The following NDRG1 variants were observed in gnomAD, a reference collection of about 807,000 sequenced individuals.
NDRG1 encodes protein NDRG1.
In NDRG1, 32 loss-of-function variants were observed where a neutral mutation model predicts 56.9. The ratio of observed to expected loss-of-function variants is 0.56; its 90% CI spans 0.42 to 0.76. The LOEUF is 0.76. Ranked by LOEUF, NDRG1 falls within the 30% of genes least tolerant of loss-of-function variation. NDRG1 has a pLI of 0.00. For synonymous variants in NDRG1, 211 were observed against 204.1 expected (o/e 1.03, Z -0.29); for missense variants, 507 against 545.7 (o/e 0.93, Z 0.71).
At chr8:133,246,562 G>A (rs924645037) in intron 13 of NDRG1, 54 bp downstream of exon 13, 15 of 1,567,172 alleles carry the variant, frequency 9.6e-6, no homozygotes, top group South Asian at 7.8e-5. Context: ...TGCAGAAAAC[G>A]TCTGAGAGTT....
intron 1 of NDRG1, among the ~76,000 whole-genome samples, chr8:133,295,988 C>T (rs894038660): frequency 2.0e-5 from 3 of 152,150 alleles, no homozygotes; most frequent in Non-Finnish European, 4.4e-5. Context: ...GTTCAGGACC[C>T]CCAGGGACAG....
At chr8:133,242,185 A>C in intron 14 of NDRG1, 111 bp from the exon 15 acceptor site, 1 of 1,094,262 alleles carries the variant, frequency 9.1e-7, no homozygotes, top group East Asian at 2.4e-5. Context: ...GGCTCAAGAC[A>C]AAAGCCATCA....
In NDRG1 at chr8:133,250,504, G is replaced by A. The variant is rs138285479; in HGVS notation, c.634C>T (p.Arg212Cys). Reference protein sequence around the residue: ...QSNVEVVHTYRQHIVNDMNPG... With the variant: ...QSNVEVVHTYCQHIVNDMNPG... Reference sequence around the variant, plus strand: ...TTCATGTCATTCACAATGTGCTGGCGGTAGGTGTGGACCACTTCCACGTTA... The same window carrying A: ...TTCATGTCATTCACAATGTGCTGGCAGTAGGTGTGGACCACTTCCACGTTA... The change falls in exon 10 of 16, where the codon CGC becomes TGC. Residue 212 changes from arginine (R) to cysteine (C), a missense_variant. Arg to Cys is a radical substitution (Grantham distance 180). Coordinates refer to ENST00000323851, the MANE Select transcript of NDRG1 (RefSeq NM_006096.4). 6.1e-5 allele frequency: 99 copies of A among 1,614,038 alleles called. No individual in the cohort carries two copies. In the East Asian group the frequency reaches 2.0e-3, roughly 33 times the overall value.
Position 133,241,684 on chromosome 8 carries a change from T to G in NDRG1, c.943+339A>C, listed in dbSNP as rs139259957. On this transcript the variant is annotated intron_variant, in intron 15 of 15. Transcript: ENST00000323851. ...TCTTCATCATCACTGTAGCTAGTGG[T>G]CTCTTAAAACTTGTGATCAAAATTT... Among the ~76,000 whole-genome samples the G allele has an allele frequency of 4.6e-3, 699 of 152,318 alleles. 6 individuals are homozygous for G. The highest frequency in any genetic ancestry group is 0.016 in the African/African-American group (661 of 41,574).
In NDRG1 at chr8:133,264,532, C is replaced by G; in HGVS notation, c.205+15G>C. ...GGAACCGGCTGACAGGGAATCAGAGCTCCTCAGAACTTACGGTTCATGCCG... is the reference window on the plus strand; with the variant it reads ...GGAACCGGCTGACAGGGAATCAGAGGTCCTCAGAACTTACGGTTCATGCCG... On this transcript the variant is annotated intron_variant, in intron 4 of 15. Coordinates refer to ENST00000323851, the MANE Select transcript of NDRG1 (RefSeq NM_006096.4). 6.2e-7 allele frequency: 1 copy of G among 1,612,026 alleles called. No homozygotes were observed. The highest frequency in any genetic ancestry group is 8.5e-7 in the Non-Finnish European group (1 of 1,178,054).
intron 9 of NDRG1, 101 bp from the exon 10 acceptor site, chr8:133,250,644 T>C (rs1586422229): frequency 2.0e-6 from 2 of 990,512 alleles, no homozygotes; most frequent in East Asian, 5.0e-5. Context: ...AAAGTAAAGA[T>C]AATAATGCCT....
intron 8 of NDRG1, 77 bp downstream of exon 8, chr8:133,256,700 A>AT: frequency 1.4e-6 from 2 of 1,394,672 alleles, no homozygotes; most frequent in Non-Finnish European, 2.0e-6. Flanking sequence ...AGCTCCAGGG[A>AT]TCCCCCAGGC....
chr8:133,255,323 C>T (rs986029327), intron 8 of NDRG1: 2 of 456,144 alleles, frequency 4.4e-6, no homozygotes, highest in African/African-American at 2.0e-5. Context: ...ACTTCAAGGC[C>T]ACAAGGTCAA....
chr8:133,271,463 G>A (rs1017965594), intron 3 of NDRG1, among the ~76,000 whole-genome samples: 2 of 152,142 alleles, frequency 1.3e-5, no homozygotes, highest in Middle Eastern at 3.4e-3. Context: ...CTGGTTCATC[G>A]CCTATGCCCA....
rs149665115 is a variant in NDRG1, at chr8:133,258,694, G to A, written c.390-268C>T. On this transcript the variant is annotated intron_variant, in intron 6 of 15. Transcript: ENST00000323851. ...TGACATTTACGGGAAGGCCCGTTAC[G>A]GCATCATTTCTTCCCACTCTTAAGC... Among the ~76,000 whole-genome samples the A allele has an allele frequency of 3.1e-4, 47 of 152,332 alleles. No individual in the cohort carries two copies. In the East Asian group the frequency reaches 6.9e-3, roughly 22 times the overall value.
chr8:133,256,274 C>T (rs1315457322), intron 8 of NDRG1: 1 of 162,510 alleles, frequency 6.2e-6, no homozygotes. Flanking sequence ...GAAACTAGCA[C>T]ATGGTAAACT....
intron 8 of NDRG1, chr8:133,254,937 CCTCTT>C (rs1321797361): frequency 2.7e-6 from 1 of 368,806 alleles, no homozygotes; most frequent in Non-Finnish European, 5.2e-6. Context: ...CATCCATTCA[CCTCTT>C]CTAAAAACAC....
rs1404211820 is a variant in NDRG1 at position 133,238,292 on chromosome 8, A to G, written c.*586T>C. The G allele has an allele frequency of 1.3e-5, 3 of 232,554 alleles. No individual in the cohort carries two copies. Among genetic ancestry groups the G allele is most frequent in the Non-Finnish European group, 2.5e-5 (3 of 117,740 alleles). 14.4% of individuals were successfully genotyped at this position (232,554 alleles called of 1,614,324 possible). ...CCAACTTTAAAAATCGGTTTCTTCA[A>G]GTTAACTACGTAGATTTGTTGTTCC... On this transcript the variant is annotated 3_prime_UTR_variant, in exon 16 of 16. Coordinates refer to ENST00000323851, the MANE Select transcript of NDRG1 (RefSeq NM_006096.4).
At chr8:133,244,459 TC>T in intron 13 of NDRG1, 69 bp from the exon 14 acceptor site, 1 of 1,590,098 alleles carries the variant, frequency 6.3e-7, no homozygotes, top group Non-Finnish European at 8.6e-7. Flanking sequence ...ATGAATTTTT[TC>T]CGAAAGGATG....
At chr8:133,254,034 G>C (rs1261030182) in intron 9 of NDRG1, among the ~76,000 whole-genome samples, 5 of 148,784 alleles carry the variant, frequency 3.4e-5, no homozygotes, top group African/African-American at 1.2e-4. Context: ...CATTAACATG[G>C]ACAAATCTCA....
intron 13 of NDRG1, among the ~76,000 whole-genome samples, chr8:133,246,151 T>C (rs1855666694): frequency 6.6e-6 from 1 of 152,232 alleles, no homozygotes. Flanking sequence ...CAATCAGTCA[T>C]AACTGGCAAA....
At position 133,238,865 on chromosome 8, in the gene NDRG1, C is replaced by G. The variant is rs777518619; in HGVS notation, c.*13G>C. ...AGAGATCAGAGTCCGGGGGCGGCAGCTGGGCAGGCCGCCTAGCAGGAGACC... is the reference window on the plus strand; with the variant it reads ...AGAGATCAGAGTCCGGGGGCGGCAGGTGGGCAGGCCGCCTAGCAGGAGACC... On this transcript the variant is annotated 3_prime_UTR_variant, in exon 16 of 16. Transcript: ENST00000323851. 3 of 1,548,872 alleles carry G rather than the reference C, an allele frequency of 1.9e-6. No individual in the cohort carries two copies. In the South Asian group the frequency reaches 3.6e-5, roughly 18 times the overall value.
chr8:133,252,870 A>G (rs1180879351), intron 9 of NDRG1, among the ~76,000 whole-genome samples: 4 of 127,190 alleles, frequency 3.1e-5, no homozygotes, highest in Admixed American at 7.9e-5. Context: ...TGGGGCCTCT[A>G]TTGCCCTCGT....
chr8:133,260,364 A>T (rs1303585859), intron 5 of NDRG1, among the ~76,000 whole-genome samples: 1 of 151,624 alleles, frequency 6.6e-6, no homozygotes, highest in Non-Finnish European at 1.5e-5. Flanking sequence ...CAAGCCCCAC[A>T]CTCTCCTCTG....
Sources: allele counts gnomAD v4.1 joint callset (sites outside exome capture counted in the v4.1 genomes callset), GRCh38; gene constraint gnomAD v4.1.1; transcripts MANE v1.5; gene names NCBI Gene and HGNC (gene_info 2026-07-23, HGNC 2026-07-21).